The following LOC128092252 variants were observed in gnomAD, a reference collection of about 807,000 sequenced individuals.
At chr15:50,662,253 T>A in the LOC128092252 span, among the ~76,000 whole-genome samples, 1 of 150,700 alleles carries the variant, frequency 6.6e-6, no homozygotes, top group Non-Finnish European at 1.5e-5. Flanking sequence ...CTCGGGAGGC[T>A]GAGGCAAGAG....
At chr15:50,660,320 TAATA>T in the LOC128092252 span, among the ~76,000 whole-genome samples, 2 of 152,092 alleles carry the variant, frequency 1.3e-5, no homozygotes, top group African/African-American at 2.4e-5. Flanking sequence ...ATTTTCTCAA[TAATA>T]AATAAATCCA....
the LOC128092252 span, among the ~76,000 whole-genome samples, chr15:50,650,021 G>A: frequency 4.6e-5 from 7 of 151,264 alleles, no homozygotes; most frequent in Non-Finnish European, 1.0e-4. Flanking sequence ...ATGGTGAACC[G>A]TCTCTACTAA....
the LOC128092252 span, among the ~76,000 whole-genome samples, chr15:50,671,696 G>A: frequency 6.6e-6 from 1 of 152,004 alleles, no homozygotes; most frequent in African/African-American, 2.4e-5. Context: ...TATAGTCCCA[G>A]CTACCTGGGA....
the LOC128092252 span, among the ~76,000 whole-genome samples, chr15:50,679,737 G>C: frequency 1.3e-5 from 2 of 150,510 alleles, no homozygotes; most frequent in Non-Finnish European, 3.0e-5. Flanking sequence ...GGTTATCTAC[G>C]TTGGCCAGGC....
At chr15:50,682,879 T>C in the LOC128092252 span, among the ~76,000 whole-genome samples, 1 of 151,608 alleles carries the variant, frequency 6.6e-6, no homozygotes, top group African/African-American at 2.4e-5. Context: ...AACCACTGAA[T>C]TTTGCTTCCC....
the LOC128092252 span, among the ~76,000 whole-genome samples, chr15:50,676,345 A>T: frequency 2.6e-5 from 4 of 152,134 alleles, no homozygotes; most frequent in South Asian, 8.3e-4. Context: ...ATATATTAAA[A>T]TTAGAAAATT....
the LOC128092252 span, among the ~76,000 whole-genome samples, chr15:50,682,132 C>T: frequency 2.2e-5 from 3 of 138,892 alleles, no homozygotes; most frequent in Non-Finnish European, 4.5e-5. Context: ...GAGCCGACAT[C>T]GCGCCACCGC....
At chr15:50,669,214 G>A in the LOC128092252 span, among the ~76,000 whole-genome samples, 3 of 152,152 alleles carry the variant, frequency 2.0e-5, no homozygotes, top group Non-Finnish European at 4.4e-5. Flanking sequence ...GGCTGAGGTA[G>A]GTGGATCACC....
the LOC128092252 span, among the ~76,000 whole-genome samples, chr15:50,674,686 T>C: frequency 3.3e-5 from 5 of 152,196 alleles, no homozygotes; most frequent in Admixed American, 1.3e-4. Flanking sequence ...TCTTTCAGCT[T>C]GAAGAAATTC....
At chr15:50,675,552 A>G in the LOC128092252 span, among the ~76,000 whole-genome samples, 1 of 152,176 alleles carries the variant, frequency 6.6e-6, no homozygotes, top group African/African-American at 2.4e-5. Context: ...CCCAGCTGAA[A>G]GTTGTAAATA....
the LOC128092252 span, among the ~76,000 whole-genome samples, chr15:50,660,978 C>CT: frequency 0.038 from 5,374 of 142,636 alleles, 301 homozygotes; most frequent in African/African-American, 0.13. Flanking sequence ...ACTACCATTC[C>CT]TTTTTTTTTT....
chr15:50,667,416 G>A, the LOC128092252 span, among the ~76,000 whole-genome samples: 1 of 152,100 alleles, frequency 6.6e-6, no homozygotes, highest in African/African-American at 2.4e-5. Flanking sequence ...TTAAAAATAA[G>A]AGCTGCTGGC....
the LOC128092252 span, among the ~76,000 whole-genome samples, chr15:50,649,060 C>T: frequency 5.9e-5 from 9 of 151,964 alleles, no homozygotes; most frequent in Admixed American, 1.3e-4. Context: ...TTCATCATAG[C>T]ACTGAAATAG....
chr15:50,686,174 T>TG, the LOC128092252 span, among the ~76,000 whole-genome samples: 1 of 152,206 alleles, frequency 6.6e-6, no homozygotes, highest in Non-Finnish European at 1.5e-5. Flanking sequence ...TCCCAGGAGA[T>TG]GCGGAGCTTG....
chr15:50,670,835 T>C, the LOC128092252 span, among the ~76,000 whole-genome samples: 1 of 129,072 alleles, frequency 7.7e-6, no homozygotes, highest in East Asian at 2.1e-4. Context: ...AGCAAGAAAA[T>C]AATAAGAGGA....
chr15:50,673,058 T>C, the LOC128092252 span, among the ~76,000 whole-genome samples: 7 of 146,956 alleles, frequency 4.8e-5, no homozygotes, highest in Non-Finnish European at 1.0e-4. Flanking sequence ...TACAGTAAGC[T>C]AGCGTTAATT....
At chr15:50,671,245 T>C in the LOC128092252 span, among the ~76,000 whole-genome samples, 14 of 152,098 alleles carry the variant, frequency 9.2e-5, no homozygotes, top group Admixed American at 2.0e-4. Context: ...CTACTCTCCA[T>C]CCAGAAATTG....
the LOC128092252 span, among the ~76,000 whole-genome samples, chr15:50,685,050 C>G: frequency 1.3e-5 from 2 of 152,286 alleles, no homozygotes; most frequent in Middle Eastern, 6.8e-3. Context: ...CTGGGATTTG[C>G]TTTAAAATTA....
chr15:50,677,622 C>A, the LOC128092252 span, among the ~76,000 whole-genome samples: 36 of 151,488 alleles, frequency 2.4e-4, no homozygotes, highest in African/African-American at 8.2e-4. Context: ...GCCTGTAATC[C>A]CGGCTACTCA....
Sources: allele counts gnomAD v4.1 joint callset (sites outside exome capture counted in the v4.1 genomes callset), GRCh38; gene constraint gnomAD v4.1.1; transcripts MANE v1.5.